Variants in CBLN2 observed in about 807,000 individuals in gnomAD.
The protein encoded by CBLN2 is cerebellin-2.
In CBLN2, 7 loss-of-function variants were observed where a neutral mutation model predicts 15.0. The ratio of observed to expected loss-of-function variants is 0.47; its 90% confidence interval spans 0.27 to 0.88. The LOEUF is 0.88. CBLN2 is among the 40% of genes least tolerant of loss of function. The pLI is 0.14. For missense variants in CBLN2, 242 were observed against 304.5 expected (o/e 0.79, Z 1.53); for synonymous variants, 149 against 135.2 (o/e 1.10, Z -0.71).
chr18:72,618,045 T>A (rs995919458), intron 1 of CBLN2, among the ~76,000 whole-genome samples: 3 of 152,232 alleles, frequency 2.0e-5, no homozygotes, highest in African/African-American at 4.8e-5. Context: ...GATAGGTTTA[T>A]TTATAAGATT....
intron 1 of CBLN2, among the ~76,000 whole-genome samples, chr18:72,550,658 A>G (rs2069186271): frequency 6.6e-6 from 1 of 152,208 alleles, no homozygotes; most frequent in Non-Finnish European, 1.5e-5. Flanking sequence ...TGTATCATGG[A>G]AAATAACATA....
intron 1 of CBLN2, among the ~76,000 whole-genome samples, chr18:72,592,676 G>T (rs563047359): frequency 6.6e-6 from 1 of 152,094 alleles, no homozygotes; most frequent in East Asian, 1.9e-4. Flanking sequence ...TGTATATGGT[G>T]AGAGATAGGG....
chr18:72,541,077 C>A (rs974242632), intron 3 of CBLN2, among the ~76,000 whole-genome samples: 1 of 152,198 alleles, frequency 6.6e-6, no homozygotes, highest in Non-Finnish European at 1.5e-5. Context: ...ATCTCTGAAC[C>A]TTCTGCATTG....
chr18:72,566,069 TA>T (rs1212992737), intron 1 of CBLN2, among the ~76,000 whole-genome samples: 1 of 152,104 alleles, frequency 6.6e-6, no homozygotes, highest in Non-Finnish European at 1.5e-5. Context: ...CAAAAAATGC[TA>T]AAAGTCACAA....
chr18:72,604,916 T>C (rs149695835), intron 1 of CBLN2, among the ~76,000 whole-genome samples: 1 of 152,356 alleles, frequency 6.6e-6, no homozygotes, highest in African/African-American at 2.4e-5. Context: ...ATTTTCAATC[T>C]GGCTAGACCA....
chr18:72,548,484 G>A (rs1284075967), upstream of CBLN2, among the ~76,000 whole-genome samples: 1 of 152,148 alleles, frequency 6.6e-6, no homozygotes, highest in South Asian at 2.1e-4. Flanking sequence ...CTACTATAAG[G>A]CTAGTGTTTC....
chr18:72,550,855 C>T (rs929516221), intron 1 of CBLN2, among the ~76,000 whole-genome samples: 1 of 152,008 alleles, frequency 6.6e-6, no homozygotes, highest in Non-Finnish European at 1.5e-5. Flanking sequence ...TAATACTAAC[C>T]TATTCCATGA....
intron 1 of CBLN2, among the ~76,000 whole-genome samples, chr18:72,570,282 GTTTTTT>G (rs34368162): frequency 7.5e-6 from 1 of 133,760 alleles, no homozygotes; most frequent in Non-Finnish European, 1.6e-5. Context: ...TTTCTTTCTG[GTTTTTT>G]TTTTTTTTTT....
chr18:72,550,075 A>G (rs1016668527), intron 1 of CBLN2, among the ~76,000 whole-genome samples: 1 of 152,212 alleles, frequency 6.6e-6, no homozygotes, highest in Non-Finnish European at 1.5e-5. Flanking sequence ...ATATCAACAT[A>G]TTCTTCTTTA....
chr18:72,552,628 A>C (rs1386949065), intron 1 of CBLN2: 3 of 152,208 alleles, frequency 2.0e-5, no homozygotes, highest in Non-Finnish European at 4.4e-5. Context: ...AAAGATGTTG[A>C]GATGCTCACT....
At chr18:72,575,505 A>G (rs1381197287) in intron 1 of CBLN2, among the ~76,000 whole-genome samples, 1 of 152,066 alleles carries the variant, frequency 6.6e-6, no homozygotes, top group African/African-American at 2.4e-5. Context: ...GGTTTTTAGG[A>G]AGGGGGGCGT....
chr18:72,628,364 G>A (rs1373450789), intron 1 of CBLN2, among the ~76,000 whole-genome samples: 3 of 152,190 alleles, frequency 2.0e-5, no homozygotes, highest in Admixed American at 1.3e-4. Flanking sequence ...AGGGCTCTTG[G>A]GATCCATATG....
chr18:72,631,965 A>C (rs1417785180), intron 1 of CBLN2, among the ~76,000 whole-genome samples: 1 of 151,686 alleles, frequency 6.6e-6, no homozygotes, highest in Non-Finnish European at 1.5e-5. Context: ...TTTGAATTAA[A>C]ATTAGACTTA....
upstream of CBLN2, among the ~76,000 whole-genome samples, chr18:72,546,723 T>A (rs1478431173): frequency 6.6e-6 from 1 of 152,200 alleles, no homozygotes; most frequent in African/African-American, 2.4e-5. Flanking sequence ...TAACACGATT[T>A]AACACCCACA....
At chr18:72,545,013 G>C (rs2069148366), upstream of CBLN2, among the ~76,000 whole-genome samples, 1 of 141,892 alleles carries the variant, frequency 7.0e-6, no homozygotes, top group African/African-American at 2.6e-5. Flanking sequence ...AAGTTAGCCA[G>C]TGCTGTTCAT....
chr18:72,551,285 G>C (rs1191631822), intron 1 of CBLN2, among the ~76,000 whole-genome samples: 1 of 152,038 alleles, frequency 6.6e-6, no homozygotes, highest in Non-Finnish European at 1.5e-5. Context: ...AGAGAAAATT[G>C]TTGTTTAGTT....
At chr18:72,548,852 G>T (rs549310478), upstream of CBLN2, among the ~76,000 whole-genome samples, 1 of 152,208 alleles carries the variant, frequency 6.6e-6, no homozygotes, top group East Asian at 1.9e-4. Context: ...ATTAACACCA[G>T]ATTCACATAC....
At chr18:72,618,577 A>G in intron 1 of CBLN2, 1 of 855,410 alleles carries the variant, frequency 1.2e-6, no homozygotes, top group Non-Finnish European at 1.9e-6. Context: ...CTTAACTGTG[A>G]AAAGTATACG....
chr18:72,569,090 T>C (rs2069314131), intron 1 of CBLN2, among the ~76,000 whole-genome samples: 1 of 152,200 alleles, frequency 6.6e-6, no homozygotes, highest in South Asian at 2.1e-4. Flanking sequence ...TTGTTAAATA[T>C]TTACTCTGAT....
Sources: allele counts gnomAD v4.1 joint callset (sites outside exome capture counted in the v4.1 genomes callset), GRCh38; gene constraint gnomAD v4.1.1; transcripts MANE v1.5; gene names NCBI Gene and HGNC (gene_info 2026-07-23, HGNC 2026-07-21).